DOCK2: variants seen among roughly 807,000 people sequenced by gnomAD.
The protein encoded by DOCK2 is dedicator of cytokinesis protein 2.
A neutral mutation model predicts 248.9 loss-of-function variants in DOCK2; 87 were observed. The observed-to-expected ratio is 0.35, with a 90% CI of 0.29 to 0.42. The LOEUF (loss-of-function observed/expected upper bound fraction) is 0.42, where lower values mean the gene tolerates loss of function less well. Among genes scored for constraint, DOCK2 ranks in the 10% least tolerant of loss-of-function variants. The pLI is 1.00. For synonymous variants in DOCK2, 805 were observed against 821.6 expected (o/e 0.98, Z 0.35); for missense variants, 1,747 against 2,300.2 (o/e 0.76, Z 4.92).
At chr5:169,959,178 G>C (rs1776981663) in intron 27 of DOCK2, among the ~76,000 whole-genome samples, 1 of 152,050 alleles carries the variant, frequency 6.6e-6, no homozygotes, top group African/African-American at 2.4e-5. Flanking sequence ...GGATCATGAG[G>C]TCAGGACATT....
intron 2 of DOCK2, among the ~76,000 whole-genome samples, chr5:169,666,329 C>T (rs1183230151): frequency 6.6e-5 from 10 of 152,116 alleles, no homozygotes; most frequent in Admixed American, 5.2e-4. Context: ...TTGCAACATA[C>T]GAATTTTGGG....
At chr5:169,904,203 G>A (rs768455728) in intron 27 of DOCK2, among the ~76,000 whole-genome samples, 1 of 151,620 alleles carries the variant, frequency 6.6e-6, no homozygotes, top group Non-Finnish European at 1.5e-5. Context: ...CCTAGCCTTT[G>A]GCAAGAAGCC....
At chr5:170,082,059 A>G in intron 51 of DOCK2, 75 bp downstream of exon 51, 1 of 1,568,360 alleles carries the variant, frequency 6.4e-7, no homozygotes, top group Non-Finnish European at 8.7e-7. Flanking sequence ...GAGAGAAGAA[A>G]ATGGGGGGTT....
intron 27 of DOCK2, among the ~76,000 whole-genome samples, chr5:169,859,517 A>G (rs2113399796): frequency 6.6e-6 from 1 of 152,344 alleles, no homozygotes; most frequent in African/African-American, 2.4e-5. Flanking sequence ...TGGCATTTAT[A>G]AAAAGAAATA....
intron 26 of DOCK2, among the ~76,000 whole-genome samples, chr5:169,838,991 C>A (rs1769775106): frequency 6.6e-6 from 1 of 152,192 alleles, no homozygotes; most frequent in South Asian, 2.1e-4. Flanking sequence ...GTATAACCAA[C>A]TCCCTGCAAT....
chr5:169,767,459 C>T (rs1035729077), intron 25 of DOCK2, among the ~76,000 whole-genome samples: 3 of 152,122 alleles, frequency 2.0e-5, no homozygotes, highest in African/African-American at 4.8e-5. Flanking sequence ...CTCTGAGCCT[C>T]GGGTTCCATG....
intron 33 of DOCK2, among the ~76,000 whole-genome samples, chr5:170,026,943 C>T (rs891073507): frequency 6.6e-6 from 1 of 152,158 alleles, no homozygotes; most frequent in Non-Finnish European, 1.5e-5. Context: ...AACTCCAATT[C>T]AAACTGGCTG....
intron 8 of DOCK2, among the ~76,000 whole-genome samples, chr5:169,685,676 T>A (rs1581032137): frequency 6.6e-6 from 1 of 152,282 alleles, no homozygotes; most frequent in East Asian, 1.9e-4. Context: ...TAGTGGTGCT[T>A]TAGTAAACAG....
intron 27 of DOCK2, among the ~76,000 whole-genome samples, chr5:169,877,092 G>T (rs1001802861): frequency 1.7e-4 from 26 of 152,206 alleles, no homozygotes; most frequent in Admixed American, 4.6e-4. Flanking sequence ...CATTTAAGCT[G>T]CAAGACTAAG....
intron 10 of DOCK2, among the ~76,000 whole-genome samples, chr5:169,697,223 T>A (rs1760687642): frequency 6.6e-6 from 1 of 152,184 alleles, no homozygotes; most frequent in Admixed American, 6.5e-5. Flanking sequence ...CAAATCAGTT[T>A]GTCTCTTTCT....
chr5:169,691,740 G>T (rs1282123456), intron 9 of DOCK2, among the ~76,000 whole-genome samples: 1 of 152,128 alleles, frequency 6.6e-6, no homozygotes. Flanking sequence ...TCCTATGTTG[G>T]GGGAAGGCTT....
intron 27 of DOCK2, among the ~76,000 whole-genome samples, chr5:169,882,087 T>C (rs1737852597): frequency 1.3e-5 from 2 of 152,180 alleles, no homozygotes; most frequent in African/African-American, 4.8e-5. Flanking sequence ...GTCATCAAAG[T>C]AGTCAGTACA....
intron 26 of DOCK2, among the ~76,000 whole-genome samples, chr5:169,820,190 G>A (rs552762220): frequency 6.6e-6 from 1 of 152,220 alleles, no homozygotes; most frequent in African/African-American, 2.4e-5. Context: ...CTGCACCTCT[G>A]GGGGCAAGGC....
intron 2 of DOCK2, among the ~76,000 whole-genome samples, chr5:169,659,720 T>C (rs573348975): frequency 1.3e-5 from 2 of 152,326 alleles, no homozygotes; most frequent in African/African-American, 4.8e-5. Flanking sequence ...GCCCATATTA[T>C]ATCTCTCATG....
At chr5:170,032,860 C>T (rs1756189323) in intron 34 of DOCK2, among the ~76,000 whole-genome samples, 1 of 152,118 alleles carries the variant, frequency 6.6e-6, no homozygotes, top group African/African-American at 2.4e-5. Context: ...CTAAGGGCCC[C>T]TGGAGAGTTT....
chr5:170,008,086 A>C (rs1361265954), intron 30 of DOCK2, among the ~76,000 whole-genome samples: 1 of 152,144 alleles, frequency 6.6e-6, no homozygotes, highest in Non-Finnish European at 1.5e-5. Context: ...TCCCTGAACT[A>C]TCTTACCCTT....
chr5:169,855,989 A>G (rs1366601128), intron 27 of DOCK2, among the ~76,000 whole-genome samples: 2 of 152,208 alleles, frequency 1.3e-5, no homozygotes, highest in Admixed American at 6.5e-5. Context: ...TTCACATGGC[A>G]GCAGGAGAGA....
intron 51 of DOCK2, 28 bp downstream of exon 51, chr5:170,082,012 G>A (rs1420679204): frequency 1.2e-6 from 2 of 1,610,126 alleles, no homozygotes; most frequent in Non-Finnish European, 1.7e-6. Flanking sequence ...GGAAGGAAAG[G>A]AAGGCATTGG....
At chr5:169,943,209 A>G (rs1239172932) in intron 27 of DOCK2, among the ~76,000 whole-genome samples, 4 of 152,140 alleles carry the variant, frequency 2.6e-5, no homozygotes, top group Non-Finnish European at 5.9e-5. Flanking sequence ...TGCTTCAGGA[A>G]TTTGAATTGG....
Sources: allele counts gnomAD v4.1 joint callset (sites outside exome capture counted in the v4.1 genomes callset), GRCh38; gene constraint gnomAD v4.1.1; transcripts MANE v1.5; gene names NCBI Gene and HGNC (gene_info 2026-07-23, HGNC 2026-07-21).